SREK1: variants seen among roughly 807,000 people sequenced by gnomAD.
The protein encoded by SREK1 is splicing regulatory glutamic acid and lysine rich protein 1, also known as splicing regulatory glutamine/lysine-rich protein 1.
In SREK1, 13 loss-of-function variants were observed where a neutral mutation model predicts 66.5. The observed-to-expected ratio is 0.20, with a 90% confidence interval of 0.13 to 0.31. The LOEUF (loss-of-function observed/expected upper bound fraction) is 0.31. SREK1 is among the 10% of genes least tolerant of loss of function. The pLI is 1.00. For missense variants in SREK1, 607 were observed against 769.6 expected (o/e 0.79, Z 2.50); for synonymous variants, 265 against 263.5 (o/e 1.01, Z -0.05).
chr5:66,164,961 T>C, intron 7 of SREK1, 64 bp downstream of exon 7: 1 of 1,469,386 alleles, frequency 6.8e-7, no homozygotes. Context: ...ATTAAGATTT[T>C]ATGAGTTTTC....
intron 11 of SREK1, among the ~76,000 whole-genome samples, chr5:66,177,885 A>G (rs953467777): frequency 3.3e-5 from 5 of 152,134 alleles, no homozygotes; most frequent in African/African-American, 1.2e-4. Flanking sequence ...CATGGCATGC[A>G]ATAAGAAAAA....
At position 66,162,956 on chromosome 5, in the gene SREK1, G is replaced by A. The variant is rs78485741; in HGVS notation, c.755+364G>A. On this transcript the variant is annotated intron_variant, in intron 5 of 11. Transcript: ENST00000334121. ...GGTGGGTTGAACTACAGTACTTCCA[G>A]TAACAACTGTGGTAAATTCAAAATC... The A allele has an allele frequency of 2.1e-3, 332 of 159,332 alleles. 3 individuals are homozygous for A. Among genetic ancestry groups the A allele is most frequent in the African/African-American group, 7.1e-3 (296 of 41,776 alleles). The allele number at this position is 159,332 out of a possible 1,614,324, so 9.9% of individuals were successfully genotyped here.
Position 66,170,121 on chromosome 5 carries a change from C to G in SREK1, c.1072C>G (p.Arg358Gly). The G allele has an allele frequency of 6.2e-7, 1 of 1,612,538 alleles. No homozygotes were observed. Among genetic ancestry groups the G allele is most frequent in the Non-Finnish European group, 8.5e-7 (1 of 1,179,142 alleles). Residue 358 changes from arginine to glycine, a missense_variant, in exon 8 of 12, where the codon CGC (arginine) becomes GGC (glycine). Arg to Gly is a moderately radical substitution (Grantham distance 125). Around this residue, in one of 5 missense-constraint regions of SREK1, gnomAD observed 112 missense variants for 168.6 expected, o/e 0.66. Coordinates refer to ENST00000334121, the MANE Select transcript of SREK1 (RefSeq NM_001077199.3). ...TAGATCTAAGAGCCCACATAAAAAACGCTCTAAATCAAGGGAGAGACGGAA... is the reference window on the plus strand; with the variant it reads ...TAGATCTAAGAGCCCACATAAAAAAGGCTCTAAATCAAGGGAGAGACGGAA... The part of the protein sequence containing the change: ...RRRSKSPHKK[R>G]SKSRERRKSR...
intron 9 of SREK1, 58 bp downstream of exon 9, chr5:66,171,005 A>G: frequency 6.5e-7 from 1 of 1,540,402 alleles, no homozygotes; most frequent in Non-Finnish European, 8.7e-7. Context: ...TGGAAACAAA[A>G]TTTTTTACGG....
Position 66,181,872 on chromosome 5 carries a change from G to A in SREK1, c.*3004G>A, listed in dbSNP as rs1746514733. On this transcript the variant is annotated 3_prime_UTR_variant, in exon 12 of 12. Transcript: ENST00000334121. ...ACCTGCTCAATTAAAAATAAACACT[G>A]GCGTTTATAATGAAAAGGTTTTTTT... is the stretch of plus-strand genomic sequence containing the variant. 1 of 129,110 alleles carries A rather than the reference G, an allele frequency of 7.7e-6. No individual in the cohort carries two copies. Among genetic ancestry groups the A allele is most frequent in the Non-Finnish European group, 1.6e-5 (1 of 63,164 alleles). 8.0% of individuals were successfully genotyped at this position (129,110 alleles called of 1,614,324 possible).
At position 66,177,571 on chromosome 5, in the gene SREK1, A is replaced by G; in HGVS notation, c.1638A>G (p.Arg546=). The change falls in exon 11 of 12, where the codon AGA becomes AGG. Residue 546 remains arginine, a synonymous_variant. Transcript: ENST00000334121. ...EKERDHISER[R]ERERSTSMRK... is the part of the protein sequence containing the mutation. Reference sequence around the variant, plus strand: ...AAAGGGACCACATCAGTGAAAGAAGAGAGAGAGAACGTTCAACGTCTATGA... The same window carrying G: ...AAAGGGACCACATCAGTGAAAGAAGGGAGAGAGAACGTTCAACGTCTATGA... The G allele has an allele frequency of 6.2e-7, 1 of 1,610,798 alleles. No homozygotes were observed. The highest frequency in any genetic ancestry group is 8.5e-7 in the Non-Finnish European group (1 of 1,178,034).
intron 8 of SREK1, among the ~76,000 whole-genome samples, 193 bp from the exon 9 acceptor site, chr5:66,170,392 T>A (rs2112074966): frequency 6.6e-6 from 1 of 152,290 alleles, no homozygotes; most frequent in South Asian, 2.1e-4. Context: ...TCCAAACTAC[T>A]CAGTTCAGCT....
chr5:66,149,325 G>A (rs974709416), intron 1 of SREK1, among the ~76,000 whole-genome samples: 2 of 152,014 alleles, frequency 1.3e-5, no homozygotes, highest in South Asian at 2.1e-4. Context: ...ACTCCAGCTC[G>A]GGTGACAGTG....
chr5:66,162,629 G>GA lies in SREK1; in HGVS notation c.755+40dup, dbSNP rs772202730. 8 of 1,542,246 alleles carry GA rather than the reference G, an allele frequency of 5.2e-6. No homozygotes were observed. In the Admixed American group the frequency reaches 1.6e-4, roughly 32 times the overall value. ...TAAACAAAGAAATTTTAATGATTTT[G>GA]AAACATTTAAAGTATTTTTGATGTA... On this transcript the variant is annotated intron_variant, in intron 5 of 11. Transcript: ENST00000334121.
At chr5:66,157,935 A>G (rs1374499896) in intron 2 of SREK1, 1 of 166,756 alleles carries the variant, frequency 6.0e-6, no homozygotes, top group Admixed American at 6.5e-5. Context: ...ATATTTTTAC[A>G]ACTGAAACCA....
At chr5:66,171,511 A>G (rs541319216) in intron 9 of SREK1, among the ~76,000 whole-genome samples, 1 of 152,332 alleles carries the variant, frequency 6.6e-6, no homozygotes, top group South Asian at 2.1e-4. Context: ...AAGTTGCCAT[A>G]GTAACAGCTG....
chr5:66,176,900 G>A (rs1746099028), intron 10 of SREK1, among the ~76,000 whole-genome samples: 2 of 151,932 alleles, frequency 1.3e-5, no homozygotes, highest in Admixed American at 6.6e-5. Context: ...CCAGCAGAGG[G>A]GTCTTTTGTT....
intron 3 of SREK1, 129 bp from the exon 4 acceptor site, chr5:66,161,979 GA>G (rs1744810318): frequency 2.0e-6 from 2 of 1,011,716 alleles, no homozygotes; most frequent in South Asian, 4.1e-5. Context: ...ATATATGACT[GA>G]AAGTTCGGAG....
At chr5:66,151,793 T>C (rs1743840368) in intron 1 of SREK1, among the ~76,000 whole-genome samples, 1 of 150,364 alleles carries the variant, frequency 6.7e-6, no homozygotes, top group Non-Finnish European at 1.5e-5. Flanking sequence ...CTGAATTGGA[T>C]GCCCTTAGGC....
At chr5:66,161,144 A>G (rs376883316) in intron 3 of SREK1, among the ~76,000 whole-genome samples, 54 of 152,282 alleles carry the variant, frequency 3.5e-4, no homozygotes, top group African/African-American at 1.3e-3. Flanking sequence ...TATGAGGATT[A>G]AGTTACTACC....
intron 9 of SREK1, among the ~76,000 whole-genome samples, chr5:66,171,194 G>T (rs2112081136): frequency 6.6e-6 from 1 of 152,198 alleles, no homozygotes; most frequent in African/African-American, 2.4e-5. Context: ...AATAATAATT[G>T]TTATTTTCTT....
Position 66,174,993 on chromosome 5 carries a change from C to T in SREK1, c.1532C>T (p.Thr511Ile). ...RSRSSSRSPR[T>I]SKTIKRKSSR... Reference sequence around the variant, plus strand: ...AGGAGTTCTTCCAGATCGCCAAGAACATCAAAAACCATAAAAAGGAAATCT... The same window carrying T: ...AGGAGTTCTTCCAGATCGCCAAGAATATCAAAAACCATAAAAAGGAAATCT... The change falls in exon 10 of 12, where the codon ACA becomes ATA. Residue 511 changes from threonine (T) to isoleucine (I), a missense_variant. By Grantham distance (89) the Thr-to-Ile change is moderately conservative. Coordinates refer to ENST00000334121, the MANE Select transcript of SREK1 (RefSeq NM_001077199.3). 1 of 1,612,828 alleles carries T rather than the reference C, an allele frequency of 6.2e-7. No individual in the cohort carries two copies. The highest frequency in any genetic ancestry group is 8.5e-7 in the Non-Finnish European group (1 of 1,179,286).
chr5:66,180,581 AT>A lies in SREK1; in HGVS notation c.*1714del, dbSNP rs1473886516. 2.0e-5 allele frequency: 3 copies of A among 152,576 alleles called. No homozygotes were observed. The highest frequency in any genetic ancestry group is 2.1e-4 in the South Asian group (1 of 4,828). The allele number at this position is 152,576 out of a possible 1,614,324, so 9.5% of individuals were successfully genotyped here. On this transcript the variant is annotated 3_prime_UTR_variant, in exon 12 of 12. Transcript: ENST00000334121. ...TTATGAAGCTGCTTAATCACTCTTC[AT>A]GTGTTCAGAATTACTGTTTTTTTTG...
intron 3 of SREK1, among the ~76,000 whole-genome samples, chr5:66,161,100 A>T (rs958547495): frequency 1.3e-5 from 2 of 152,206 alleles, no homozygotes; most frequent in Non-Finnish European, 2.9e-5. Context: ...GTAAACTTTC[A>T]GCATGATAAT....
Sources: allele counts gnomAD v4.1 joint callset (sites outside exome capture counted in the v4.1 genomes callset), GRCh38; gene constraint gnomAD v4.1.1; regional missense constraint gnomAD v4.1.1; transcripts MANE v1.5; gene names NCBI Gene and HGNC (gene_info 2026-07-23, HGNC 2026-07-21).